CLOCK: variants seen among roughly 807,000 people sequenced by gnomAD.
CLOCK encodes clock circadian regulator.
CLOCK carries 43 observed loss-of-function variants against 118.4 expected under a neutral mutation model. That is an observed-to-expected ratio of 0.36 (90% CI 0.28 to 0.47). The LOEUF (loss-of-function observed/expected upper bound fraction) is 0.47, where lower values mean the gene tolerates loss of function less well. Among genes scored for constraint, CLOCK ranks in the 20% least tolerant of loss-of-function variants. The pLI is 1.00. For missense variants in CLOCK, 846 were observed against 999.9 expected, an observed-to-expected ratio of 0.85 and a Z score of 2.08; for synonymous variants, 326 against 339.2, an observed-to-expected ratio of 0.96 and a Z score of 0.43.
At chr4:55,466,411 T>C (rs377455391) in intron 8 of CLOCK, among the ~76,000 whole-genome samples, 31 of 152,276 alleles carry the variant, frequency 2.0e-4, no homozygotes, top group South Asian at 1.9e-3. Flanking sequence ...GAGTCCTTTA[T>C]AGCAGTGTGA....
chr4:55,472,734 TC>T (rs961570039), intron 7 of CLOCK, among the ~76,000 whole-genome samples: 9 of 148,792 alleles, frequency 6.0e-5, no homozygotes, highest in East Asian at 2.0e-4. Context: ...CTCCCCCTTG[TC>T]CCCCCCCTTC....
intron 22 of CLOCK, among the ~76,000 whole-genome samples, chr4:55,437,482 C>T (rs1722977258): frequency 6.6e-6 from 1 of 152,154 alleles, no homozygotes; most frequent in Non-Finnish European, 1.5e-5. Flanking sequence ...CTTCTGTATC[C>T]TATAGATAAG....
chr4:55,510,927 G>A (rs1413126436), intron 1 of CLOCK, among the ~76,000 whole-genome samples: 4 of 152,118 alleles, frequency 2.6e-5, no homozygotes, highest in African/African-American at 7.2e-5. Flanking sequence ...AATCACACAG[G>A]GCTAAAGGCA....
intron 3 of CLOCK, among the ~76,000 whole-genome samples, chr4:55,487,946 A>C (rs982614527): frequency 1.3e-5 from 2 of 152,142 alleles, no homozygotes; most frequent in African/African-American, 4.8e-5. Flanking sequence ...CTTTAGCTTC[A>C]GTGAGGTTTC....
intron 1 of CLOCK, among the ~76,000 whole-genome samples, chr4:55,529,816 T>A (rs1057262862): frequency 6.6e-6 from 1 of 152,228 alleles, no homozygotes; most frequent in African/African-American, 2.4e-5. Flanking sequence ...GGTTCCATTG[T>A]CAATGCTTTT....
chr4:55,507,041 C>T (rs540340508), intron 2 of CLOCK, among the ~76,000 whole-genome samples: 10 of 151,962 alleles, frequency 6.6e-5, no homozygotes, highest in African/African-American at 1.4e-4. Flanking sequence ...AGGCTGGGCA[C>T]GGTGGCTCAT....
intron 8 of CLOCK, among the ~76,000 whole-genome samples, chr4:55,464,584 T>TAAAG (rs944138952): frequency 1.3e-5 from 2 of 152,120 alleles, no homozygotes; most frequent in African/African-American, 4.8e-5. Flanking sequence ...TCAAGGCCTG[T>TAAAG]AAAGGTAGGA....
In CLOCK at chr4:55,450,160, T is replaced by C; in HGVS notation, c.1279A>G (p.Ser427Gly). Residue 427 changes from serine to glycine, a missense_variant, in exon 16 of 23, where the codon AGC (serine) becomes GGC (glycine). Ser to Gly is a moderately conservative substitution (Grantham distance 56, BLOSUM62 0). Transcript: ENST00000513440. ...LKEALERFDH[S>G]PTPSASSRSS... Reference sequence around the variant, plus strand: ...CGAGAAGAGGCAGAAGGGGTTGGGCTGTGATCAAACCTTTCCAATGCTTCC... The same window carrying C: ...CGAGAAGAGGCAGAAGGGGTTGGGCCGTGATCAAACCTTTCCAATGCTTCC... The C allele has an allele frequency of 1.9e-6, 3 of 1,614,084 alleles. No individual in the cohort carries two copies. The highest frequency in any genetic ancestry group is 2.5e-6 in the Non-Finnish European group (3 of 1,179,998).
At chr4:55,444,899 C>T in intron 18 of CLOCK, 114 bp from the exon 19 acceptor site, 3 of 1,056,324 alleles carry the variant, frequency 2.8e-6, no homozygotes, top group South Asian at 2.7e-5. Context: ...TAACATCCTT[C>T]ACTAGTTATG....
intron 1 of CLOCK, among the ~76,000 whole-genome samples, chr4:55,535,581 T>A (rs1345115985): frequency 1.3e-5 from 2 of 152,116 alleles, no homozygotes; most frequent in African/African-American, 2.4e-5. Flanking sequence ...TAGGAAATTG[T>A]CTGCACTTAG....
rs1722825774 is a variant in CLOCK, at chr4:55,435,709, G to A, written c.2362-115C>T. ...CAAAATCCTTAAAATTCTACATAATGCATATCACTTTCACTCTCTGGTTTA... is the reference window on the plus strand; with the variant it reads ...CAAAATCCTTAAAATTCTACATAATACATATCACTTTCACTCTCTGGTTTA... On this transcript the variant is annotated intron_variant, in intron 22 of 22. Transcript: ENST00000513440. The A allele has an allele frequency of 4.8e-6, 5 of 1,031,146 alleles. No homozygotes were observed. In the East Asian group the frequency reaches 1.3e-4, roughly 26 times the overall value. The allele number at this position is 1,031,146 out of a possible 1,614,324, so 63.9% of individuals were successfully genotyped here.
At chr4:55,451,979 C>A (rs531019209) in intron 15 of CLOCK, among the ~76,000 whole-genome samples, 1 of 152,258 alleles carries the variant, frequency 6.6e-6, no homozygotes, top group African/African-American at 2.4e-5. Context: ...TGGAATGCTG[C>A]CTATTTAACT....
rs1289233172 is a variant in CLOCK at position 55,436,300 on chromosome 4, G to A, written c.2362-706C>T. The stretch of plus-strand genomic sequence containing the variant: ...AGACAAACAAAACAAAATGAAAAAA[G>A]GCACAGGATTTGCAGACAGAAGCCC... On this transcript the variant is annotated intron_variant, in intron 22 of 22. Coordinates refer to ENST00000513440, the MANE Select transcript of CLOCK (RefSeq NM_004898.4). 8.5e-5 allele frequency among the ~76,000 whole-genome samples: 13 copies of A among 152,234 alleles called. No homozygotes were observed. The South Asian group carries it at 2.5e-3, about 29-fold the overall frequency.
intron 3 of CLOCK, among the ~76,000 whole-genome samples, chr4:55,485,996 G>C (rs1399438046): frequency 6.6e-6 from 1 of 152,142 alleles, no homozygotes; most frequent in African/African-American, 2.4e-5. Flanking sequence ...CTTGAGATCA[G>C]AGTCATCTGG....
At chr4:55,443,197 C>T (rs1297184657) in intron 20 of CLOCK, among the ~76,000 whole-genome samples, 1 of 152,016 alleles carries the variant, frequency 6.6e-6, no homozygotes, top group East Asian at 1.9e-4. Context: ...AAAGCTCAGC[C>T]AGGCGCAGTG....
chr4:55,538,584 A>G (rs1338481049), intron 1 of CLOCK, among the ~76,000 whole-genome samples: 2 of 152,198 alleles, frequency 1.3e-5, no homozygotes, highest in East Asian at 1.9e-4. Flanking sequence ...AGTTTAATAT[A>G]TGTGTAATTA....
rs368550966 is a variant in CLOCK, at chr4:55,435,392, T to A, written c.*23A>T. 123 of 1,611,758 alleles carry A rather than the reference T, an allele frequency of 7.6e-5. No homozygotes were observed. Among genetic ancestry groups the A allele is most frequent in the Non-Finnish European group, 1.0e-4 (120 of 1,178,088 alleles). Reference sequence around the variant, plus strand: ...ATGGGCCATCCCCTTCCTCCCTTGATGTCAAGAGAGGAAGCACGTGTGCTA... The same window carrying A: ...ATGGGCCATCCCCTTCCTCCCTTGAAGTCAAGAGAGGAAGCACGTGTGCTA... On this transcript the variant is annotated 3_prime_UTR_variant, in exon 23 of 23. Coordinates refer to ENST00000513440, the MANE Select transcript of CLOCK (RefSeq NM_004898.4).
At chr4:55,492,196 C>T (rs955751243) in intron 2 of CLOCK, among the ~76,000 whole-genome samples, 1 of 152,040 alleles carries the variant, frequency 6.6e-6, no homozygotes, top group Non-Finnish European at 1.5e-5. Flanking sequence ...TACCACATGA[C>T]CAGGTGGTAT....
intron 1 of CLOCK, among the ~76,000 whole-genome samples, chr4:55,526,946 CAA>C (rs11460620): frequency 7.9e-5 from 7 of 88,310 alleles, no homozygotes; most frequent in South Asian, 4.6e-4. Context: ...GACTCCGTCT[CAA>C]AAAAAAAAAA....
Sources: allele counts gnomAD v4.1 joint callset (sites outside exome capture counted in the v4.1 genomes callset), GRCh38; gene constraint gnomAD v4.1.1; transcripts MANE v1.5; gene names NCBI Gene and HGNC (gene_info 2026-07-23, HGNC 2026-07-21).